HMCN1: variants seen among roughly 807,000 people sequenced by gnomAD.
HMCN1 encodes hemicentin 1.
HMCN1 carries 321 observed loss-of-function variants against 625.9 expected under a neutral mutation model. The ratio of observed to expected loss-of-function variants is 0.51; its 90% confidence interval spans 0.47 to 0.56. The LOEUF is 0.56. Among genes scored for constraint, HMCN1 ranks in the 20% least tolerant of loss-of-function variants. HMCN1 has a pLI of 0.00. For missense variants in HMCN1, 6,588 were observed against 6,887.3 expected, an observed-to-expected ratio of 0.96 and a Z score of 1.54; for synonymous variants, 2,425 against 2,417.6, an observed-to-expected ratio of 1.00 and a Z score of -0.09.
chr1:185,819,940 T>C (rs1380719439), intron 1 of HMCN1, among the ~76,000 whole-genome samples: 2 of 152,130 alleles, frequency 1.3e-5, no homozygotes, highest in Non-Finnish European at 2.9e-5. Context: ...GTTAAAGGCA[T>C]GGCAAGTCAC....
intron 32 of HMCN1, among the ~76,000 whole-genome samples, chr1:186,016,469 G>A (rs1163914989): frequency 6.6e-6 from 1 of 151,994 alleles, no homozygotes; most frequent in African/African-American, 2.4e-5. Flanking sequence ...ATATTTGCAA[G>A]TGCATAGATA....
intron 89 of HMCN1, 112 bp downstream of exon 89, chr1:186,138,084 C>A: frequency 8.9e-7 from 1 of 1,124,340 alleles, no homozygotes; most frequent in Non-Finnish European, 1.3e-6. Flanking sequence ...ATGGCCTCTA[C>A]CCTTGAGAAT....
intron 104 of HMCN1, 121 bp downstream of exon 104, chr1:186,178,887 T>C: frequency 1.3e-6 from 1 of 764,570 alleles, no homozygotes; most frequent in Non-Finnish European, 2.3e-6. Context: ...TCGGAATGAC[T>C]CAAAATTTCA....
At chr1:186,171,256 A>C in intron 100 of HMCN1, 81 bp from the exon 101 acceptor site, 4 of 996,694 alleles carry the variant, frequency 4.0e-6, no homozygotes, top group East Asian at 2.4e-5. Flanking sequence ...GGTAATGATC[A>C]AGATCATTAA....
Position 186,086,370 on chromosome 1 carries a change from G to A in HMCN1, c.9009G>A (p.Gln3003=). ...PPDLSWLKNE[Q]PIKLNTNTLI... Reference sequence around the variant, plus strand: ...ACCTCAGCTGGCTCAAGAATGAACAGCCCATCAAACTGAACACAAATACTC... The same window carrying A: ...ACCTCAGCTGGCTCAAGAATGAACAACCCATCAAACTGAACACAAATACTC... The change falls in exon 58 of 107, where the codon CAG becomes CAA. Residue 3003 remains glutamine (Q), a synonymous_variant. Coordinates refer to ENST00000271588, the MANE Select transcript of HMCN1 (RefSeq NM_031935.3). The A allele has an allele frequency of 1.2e-6, 2 of 1,613,316 alleles. No individual in the cohort carries two copies. Among genetic ancestry groups the A allele is most frequent in the South Asian group, 2.2e-5 (2 of 91,076 alleles).
Position 186,136,652 on chromosome 1 carries a change from G to A in HMCN1, c.13313-16G>A, listed in dbSNP as rs1334347523. The A allele has an allele frequency of 3.1e-6, 5 of 1,613,200 alleles. No homozygotes were observed. The highest frequency in any genetic ancestry group is 4.2e-6 in the Non-Finnish European group (5 of 1,179,420). Reference sequence around the variant, plus strand: ...AACTCCACAAAAACTGAGACACTATGTGCTTTTTTCCGTAGGTCCTCCTAT... The same window carrying A: ...AACTCCACAAAAACTGAGACACTATATGCTTTTTTCCGTAGGTCCTCCTAT... On this transcript the variant is annotated splice_polypyrimidine_tract_variant and intron_variant, in intron 86 of 106. Transcript: ENST00000271588.
chr1:186,032,271 C>T (rs1381795070), intron 36 of HMCN1, among the ~76,000 whole-genome samples: 1 of 151,722 alleles, frequency 6.6e-6, no homozygotes, highest in African/African-American at 2.4e-5. Context: ...AGACAATTCT[C>T]AAAGATATAC....
rs1278184767 is a variant in HMCN1, at chr1:186,138,025, C to T, written c.13924+53C>T. ...AAACAAAACTTTTCTATCTTAACCC[C>T]TATGAAAGAATTACATTTGCCTTTT... On this transcript the variant is annotated intron_variant, in intron 89 of 106. Coordinates refer to ENST00000271588, the MANE Select transcript of HMCN1 (RefSeq NM_031935.3). The T allele has an allele frequency of 2.5e-6, 4 of 1,583,416 alleles. No individual in the cohort carries two copies. In the African/African-American group the frequency reaches 4.0e-5, roughly 16 times the overall value.
At position 186,118,333 on chromosome 1, in the gene HMCN1, G is replaced by A. The variant is rs1661233046; in HGVS notation, c.11848+710G>A. ...AATTTGTGTATTTCCTCAATAGAAGGGTAATAGTGGAAAATGTGTTCCCAG... is the reference window on the plus strand; with the variant it reads ...AATTTGTGTATTTCCTCAATAGAAGAGTAATAGTGGAAAATGTGTTCCCAG... On this transcript the variant is annotated intron_variant, in intron 77 of 106. Coordinates refer to ENST00000271588, the MANE Select transcript of HMCN1 (RefSeq NM_031935.3). Among the ~76,000 whole-genome samples the A allele has an allele frequency of 2.0e-5, 3 of 152,154 alleles. No homozygotes were observed. In the South Asian group the frequency reaches 6.2e-4, roughly 32 times the overall value.
chr1:185,963,784 G>GA lies in HMCN1; in HGVS notation c.1988dup (p.Asp663GlufsTer23). On this transcript the variant is annotated frameshift_variant, in exon 13 of 107. Transcript: ENST00000271588. LOFTEE classifies it high-confidence loss of function. ...TATTCATAGGTATAGGATGACCTCAGATGGTACCTTATTTATCAAAAATGC... is the reference window on the plus strand; with the variant it reads ...TATTCATAGGTATAGGATGACCTCAGAATGGTACCTTATTTATCAAAAATGC... The GA allele has an allele frequency of 6.2e-7, 1 of 1,606,628 alleles. No individual in the cohort carries two copies. Among genetic ancestry groups the GA allele is most frequent in the Non-Finnish European group, 8.5e-7 (1 of 1,173,584 alleles).
At chr1:186,036,295 A>T (rs1298829549) in intron 36 of HMCN1, among the ~76,000 whole-genome samples, 3 of 152,126 alleles carry the variant, frequency 2.0e-5, no homozygotes, top group African/African-American at 7.2e-5. Flanking sequence ...GGCAATTTAG[A>T]AAAGAAAGAG....
At chr1:185,852,149 G>A (rs1007388565) in intron 2 of HMCN1, among the ~76,000 whole-genome samples, 1 of 151,958 alleles carries the variant, frequency 6.6e-6, no homozygotes, top group Non-Finnish European at 1.5e-5. Flanking sequence ...AGAATTAACT[G>A]TCTAAGGAGA....
chr1:185,883,110 T>C (rs181182596), intron 4 of HMCN1, among the ~76,000 whole-genome samples: 14 of 152,170 alleles, frequency 9.2e-5, no homozygotes, highest in African/African-American at 3.4e-4. Flanking sequence ...AATGAGTGAG[T>C]GAATACAATA....
Position 186,172,035 on chromosome 1 carries a change from A to G in HMCN1, c.15718A>G (p.Arg5240Gly), listed in dbSNP as rs1169087621. ...GAACGAGTGTAGACAAAATGTATGCAGACCAGATCAGCACTGTAAGAACAC... is the reference window on the plus strand; with the variant it reads ...GAACGAGTGTAGACAAAATGTATGCGGACCAGATCAGCACTGTAAGAACAC... ...DVNECRQNVCRPDQHCKNTRG... is the reference protein window; with the variant it reads ...DVNECRQNVCGPDQHCKNTRG... Residue 5240 changes from arginine to glycine, a missense_variant, in exon 102 of 107, where the codon AGA becomes GGA. Coordinates refer to ENST00000271588, the MANE Select transcript of HMCN1 (RefSeq NM_031935.3). The G allele has an allele frequency of 1.2e-5, 20 of 1,613,568 alleles. No individual in the cohort carries two copies. In the Admixed American group the frequency reaches 2.3e-4, roughly 19 times the overall value.
chr1:185,764,580 C>G lies in HMCN1; in HGVS notation c.268+29533C>G, dbSNP rs139135696. On this transcript the variant is annotated intron_variant, in intron 1 of 106. Transcript: ENST00000271588. ...TTATCATGCTTTCTGACTTATGGAT[C>G]TAATATTAACTTAAAAACAGGTAAT... Among the ~76,000 whole-genome samples the G allele has an allele frequency of 2.6e-5, 4 of 152,180 alleles. No homozygotes were observed. The East Asian group carries it at 7.7e-4, about 29-fold the overall frequency.
chr1:185,807,302 C>G (rs1659231106), intron 1 of HMCN1, among the ~76,000 whole-genome samples: 1 of 152,084 alleles, frequency 6.6e-6, no homozygotes, highest in Non-Finnish European at 1.5e-5. Context: ...ACTTAACTTC[C>G]CAATAATTAA....
chr1:186,025,204 C>T (rs767351143), intron 36 of HMCN1, among the ~76,000 whole-genome samples: 6 of 152,098 alleles, frequency 3.9e-5, no homozygotes, highest in African/African-American at 7.2e-5. Flanking sequence ...TAGGAGGCAG[C>T]GCTCAGGTGG....
rs1289117956 is a variant in HMCN1 at position 186,108,584 on chromosome 1, G to T, written c.10976G>T (p.Gly3659Val). Reference protein sequence around the residue: ...PPPVITWLRNGERLQATPRVR... With the variant: ...PPPVITWLRNVERLQATPRVR... ...CCTGTAATTACTTGGCTCAGAAATG[G>T]AGAACGGTTACAGGTAAATTTTTTG... The change falls in exon 71 of 107, where the codon GGA becomes GTA. Residue 3659 changes from glycine (G) to valine (V), a missense_variant. Physicochemically the swap from Gly to Val is moderately radical, Grantham distance 109. Transcript: ENST00000271588. 6.2e-7 allele frequency: 1 copy of T among 1,613,966 alleles called. No homozygotes were observed. Among genetic ancestry groups the T allele is most frequent in the Non-Finnish European group, 8.5e-7 (1 of 1,179,998 alleles).
chr1:186,108,100 C>T (rs1660706566), intron 70 of HMCN1, among the ~76,000 whole-genome samples: 1 of 150,618 alleles, frequency 6.6e-6, no homozygotes, highest in Non-Finnish European at 1.5e-5. Context: ...GATGGGCACT[C>T]CCTGATTTAG....
Sources: allele counts gnomAD v4.1 joint callset (sites outside exome capture counted in the v4.1 genomes callset), GRCh38; gene constraint gnomAD v4.1.1; transcripts MANE v1.5; gene names NCBI Gene and HGNC (gene_info 2026-07-23, HGNC 2026-07-21).